The following RB1 variants were observed in gnomAD, a reference collection of about 807,000 sequenced individuals.
RB1 encodes retinoblastoma-associated protein.
Under a neutral mutation model 135.4 loss-of-function variants are expected in RB1, and 18 were observed. That is an observed-to-expected ratio of 0.13 (90% CI 0.09 to 0.20). The LOEUF is 0.20. Among genes scored for constraint, RB1 ranks in the 10% least tolerant of loss-of-function variants. The pLI is 1.00. For synonymous variants in RB1, 365 were observed against 373.2 expected (o/e 0.98, Z 0.25); for missense variants, 868 against 1,110.0 (o/e 0.78, Z 3.10).
intron 9 of RB1, 114 bp downstream of exon 9, chr13:48,365,085 G>A (rs1593446784): frequency 7.8e-7 from 1 of 1,284,396 alleles, no homozygotes. Context: ...TTTTGCCCAA[G>A]AAGAATCTAG....
intron 2 of RB1, among the ~76,000 whole-genome samples, chr13:48,313,646 T>C (rs1952153106): frequency 6.6e-6 from 1 of 151,868 alleles, no homozygotes; most frequent in African/African-American, 2.4e-5. Context: ...TCTTTCTTCA[T>C]TGAATTGTTT....
chr13:48,335,331 C>A (rs1488703365), intron 2 of RB1, among the ~76,000 whole-genome samples: 3 of 152,042 alleles, frequency 2.0e-5, no homozygotes, highest in Admixed American at 2.0e-4. Flanking sequence ...TTATAAATAA[C>A]TTTTCAAACA....
intron 2 of RB1, chr13:48,320,081 A>G: frequency 1.6e-6 from 1 of 614,206 alleles, no homozygotes; most frequent in Admixed American, 2.8e-5. Flanking sequence ...GTACTCCCGG[A>G]TGGCTTCCGC....
At chr13:48,466,081 T>C (rs1172171479) in intron 23 of RB1, among the ~76,000 whole-genome samples, 11 of 151,048 alleles carry the variant, frequency 7.3e-5, no homozygotes, top group Non-Finnish European at 1.3e-4. Flanking sequence ...CTGCCTGCCT[T>C]TGTAGGCTCC....
At chr13:48,445,906 A>C (rs918503625) in intron 17 of RB1, among the ~76,000 whole-genome samples, 7 of 152,234 alleles carry the variant, frequency 4.6e-5, no homozygotes, top group Non-Finnish European at 1.0e-4. Context: ...GGAAAGGAGC[A>C]GATAACACAT....
intron 6 of RB1, among the ~76,000 whole-genome samples, chr13:48,358,851 A>G (rs976578534): frequency 2.6e-5 from 4 of 152,128 alleles, no homozygotes; most frequent in African/African-American, 9.7e-5. Context: ...CTTGAGAGAG[A>G]TTCTTTCATC....
chr13:48,358,100 G>C (rs1056273206), intron 6 of RB1, among the ~76,000 whole-genome samples: 1 of 152,044 alleles, frequency 6.6e-6, no homozygotes, highest in African/African-American at 2.4e-5. Flanking sequence ...TAGTTTAATT[G>C]ACCACTAGGC....
chr13:48,323,462 G>GTT (rs560277520), intron 2 of RB1, among the ~76,000 whole-genome samples: 50 of 150,356 alleles, frequency 3.3e-4, no homozygotes, highest in African/African-American at 1.1e-3. Flanking sequence ...GTGATTTAAA[G>GTT]TTTTTTTTTC....
chr13:48,388,467 C>T (rs1476835697), intron 17 of RB1, among the ~76,000 whole-genome samples: 1 of 152,094 alleles, frequency 6.6e-6, no homozygotes, highest in African/African-American at 2.4e-5. Context: ...CCTTTTTTGA[C>T]AGTTTATCTT....
intron 19 of RB1, 39 bp downstream of exon 19, chr13:48,456,388 A>T (rs1005070469): frequency 2.5e-6 from 4 of 1,607,686 alleles, no homozygotes; most frequent in Non-Finnish European, 3.4e-6. Context: ...GGACTCTGAA[A>T]CTAGGCTGAC....
chr13:48,465,599 G>C (rs896094787), intron 23 of RB1, among the ~76,000 whole-genome samples: 1 of 152,014 alleles, frequency 6.6e-6, no homozygotes, highest in Non-Finnish European at 1.5e-5. Flanking sequence ...AGCTCCCAGC[G>C]TGAGCGACGC....
At position 48,465,125 on chromosome 13, in the gene RB1, A is replaced by C; in HGVS notation, c.2325+14A>C. 1 of 1,613,356 alleles carries C rather than the reference A, an allele frequency of 6.2e-7. No individual in the cohort carries two copies. Among genetic ancestry groups the C allele is most frequent in the Non-Finnish European group, 8.5e-7 (1 of 1,179,342 alleles). On this transcript the variant is annotated intron_variant, in intron 22 of 26. Coordinates refer to ENST00000267163, the MANE Select transcript of RB1 (RefSeq NM_000321.3). ...GCTTCCACCAGGGTAGGTCAAAAGT[A>C]TCCTTTGATTGGAAAAATCTAATGT... is the stretch of plus-strand genomic sequence containing the variant.
At chr13:48,430,801 C>T (rs1054941258) in intron 17 of RB1, among the ~76,000 whole-genome samples, 1 of 151,502 alleles carries the variant, frequency 6.6e-6, no homozygotes, top group African/African-American at 2.4e-5. Context: ...CTGTGGCTCA[C>T]ACCTGTAATC....
chr13:48,418,664 C>A (rs1252723061), intron 17 of RB1, among the ~76,000 whole-genome samples: 2 of 150,172 alleles, frequency 1.3e-5, no homozygotes, highest in South Asian at 2.1e-4. Context: ...AAGACACGTG[C>A]TCTAAATAAG....
chr13:48,447,948 A>G (rs1949300141), intron 17 of RB1, among the ~76,000 whole-genome samples: 1 of 152,222 alleles, frequency 6.6e-6, no homozygotes, highest in Admixed American at 6.5e-5. Context: ...ACTAGATTTT[A>G]TCTCATATCT....
intron 10 of RB1, 87 bp downstream of exon 10, chr13:48,367,690 C>T: frequency 2.1e-6 from 3 of 1,428,868 alleles, no homozygotes; most frequent in Non-Finnish European, 2.8e-6. Context: ...AGCTTAGTGA[C>T]CTTTAGATAT....
At chr13:48,396,458 A>G (rs1957710085) in intron 17 of RB1, among the ~76,000 whole-genome samples, 1 of 152,190 alleles carries the variant, frequency 6.6e-6, no homozygotes, top group South Asian at 2.1e-4. Flanking sequence ...AGAAAACTGA[A>G]ACTGGACCCC....
intron 12 of RB1, among the ~76,000 whole-genome samples, chr13:48,374,520 A>G (rs1445919380): frequency 6.6e-6 from 1 of 152,228 alleles, no homozygotes; most frequent in East Asian, 1.9e-4. Flanking sequence ...TTAGCAAAGT[A>G]ATTTCTGTCA....
intron 17 of RB1, chr13:48,411,702 C>T (rs1555289316): frequency 1.2e-6 from 2 of 1,607,424 alleles, no homozygotes; most frequent in Non-Finnish European, 1.7e-6. Flanking sequence ...AGGAACAAAA[C>T]AGAAACAGAA....
Sources: allele counts gnomAD v4.1 joint callset (sites outside exome capture counted in the v4.1 genomes callset), GRCh38; gene constraint gnomAD v4.1.1; transcripts MANE v1.5; gene names NCBI Gene and HGNC (gene_info 2026-07-23, HGNC 2026-07-21).